Variants in CNTN6 observed in about 807,000 individuals in gnomAD.
CNTN6 encodes the protein contactin-6.
CNTN6 carries 137 observed loss-of-function variants against 122.8 expected under a neutral mutation model. The ratio of observed to expected loss-of-function variants is 1.12; its 90% confidence interval spans 0.97 to 1.29. The LOEUF is 1.29. CNTN6 is among the 50% of genes most tolerant of loss of function. The pLI is 0.00. For missense variants in CNTN6, 1,634 were observed against 1,223.4 expected (o/e 1.34, Z -5.01); for synonymous variants, 570 against 426.0 (o/e 1.34, Z -4.16).
At chr3:1,200,759 A>G (rs553495929) in intron 2 of CNTN6, among the ~76,000 whole-genome samples, 6 of 152,120 alleles carry the variant, frequency 3.9e-5, no homozygotes, top group African/African-American at 7.2e-5. Flanking sequence ...AGGAGGCTCA[A>G]AATAACTTCA....
At chr3:1,102,889 C>T (rs1000676075) in intron 1 of CNTN6, among the ~76,000 whole-genome samples, 100 of 150,914 alleles carry the variant, frequency 6.6e-4, no homozygotes, top group Non-Finnish European at 1.2e-3. Context: ...GGGCGGATCA[C>T]GAGATCAGGA....
At chr3:1,211,277 T>A (rs1236479658) in intron 2 of CNTN6, among the ~76,000 whole-genome samples, 1 of 152,272 alleles carries the variant, frequency 6.6e-6, no homozygotes, top group South Asian at 2.1e-4. Context: ...AACCTGAAAT[T>A]TACCCAGGCT....
chr3:1,204,165 A>G (rs2093925066), intron 2 of CNTN6, among the ~76,000 whole-genome samples: 1 of 152,188 alleles, frequency 6.6e-6, no homozygotes, highest in South Asian at 2.1e-4. Flanking sequence ...GTATATATAG[A>G]GAGAGCCAAT....
intron 7 of CNTN6, among the ~76,000 whole-genome samples, chr3:1,301,667 A>G (rs928624173): frequency 6.6e-6 from 1 of 152,208 alleles, no homozygotes; most frequent in Admixed American, 6.5e-5. Flanking sequence ...AAATGAAGGC[A>G]TTAATATAGA....
chr3:1,327,942 A>G (rs771573547), intron 10 of CNTN6, among the ~76,000 whole-genome samples: 3 of 151,822 alleles, frequency 2.0e-5, no homozygotes, highest in Non-Finnish European at 2.9e-5. Flanking sequence ...ACTAAAAGAA[A>G]CAGTAATTTA....
intron 1 of CNTN6, among the ~76,000 whole-genome samples, chr3:1,139,869 G>A (rs748232836): frequency 2.6e-5 from 4 of 152,158 alleles, no homozygotes; most frequent in Non-Finnish European, 5.9e-5. Context: ...TTGAAACATG[G>A]CTGCTGGGAT....
chr3:1,265,345 C>G (rs1357271053), intron 4 of CNTN6, among the ~76,000 whole-genome samples: 1 of 152,122 alleles, frequency 6.6e-6, no homozygotes, highest in African/African-American at 2.4e-5. Flanking sequence ...CCAGGTAATT[C>G]CAGTGTAACC....
rs1396631905 is a variant in CNTN6, at chr3:1,295,621, T to G, written c.475T>G (p.Phe159Val). 1.2e-6 allele frequency: 2 copies of G among 1,613,744 alleles called. No homozygotes were observed. The highest frequency in any genetic ancestry group is 1.7e-6 in the Non-Finnish European group (2 of 1,179,778). ...HFGDLSYAWTFNDNPLYVQED... is the reference protein window; with the variant it reads ...HFGDLSYAWTVNDNPLYVQED... ...TTCAGATTTATCTTATGCATGGACC[T>G]TCAATGATAACCCCTTATACGTCCA... The change falls in exon 6 of 23, where the codon TTC becomes GTC. Residue 159 changes from phenylalanine (F) to valine (V), a missense_variant. Phe to Val is a conservative substitution (Grantham distance 50). Coordinates refer to ENST00000446702, the MANE Select transcript of CNTN6 (RefSeq NM_001289080.2).
intron 3 of CNTN6, among the ~76,000 whole-genome samples, chr3:1,221,826 C>G (rs1399865330): frequency 3.9e-5 from 6 of 151,930 alleles, no homozygotes; most frequent in Non-Finnish European, 8.8e-5. Flanking sequence ...GTTTTAAAAC[C>G]TTTTTTTAAG....
chr3:1,251,933 G>C (rs1303636455), intron 4 of CNTN6, among the ~76,000 whole-genome samples: 3 of 152,102 alleles, frequency 2.0e-5, no homozygotes, highest in African/African-American at 7.2e-5. Context: ...GGCTGTACTT[G>C]AGATGTCAAG....
intron 16 of CNTN6, among the ~76,000 whole-genome samples, chr3:1,374,883 C>T (rs1331288337): frequency 6.6e-6 from 1 of 151,978 alleles, no homozygotes; most frequent in South Asian, 2.1e-4. Flanking sequence ...AGAATTGGGG[C>T]TAGAAAAAGG....
chr3:1,276,754 C>G (rs1203151570), intron 4 of CNTN6, among the ~76,000 whole-genome samples: 2 of 152,148 alleles, frequency 1.3e-5, no homozygotes, highest in Non-Finnish European at 2.9e-5. Context: ...AAAAGTTAAA[C>G]TGATGCGACA....
chr3:1,220,772 C>T lies in CNTN6; in HGVS notation c.141C>T (p.Ile47=), dbSNP rs780012534. The T allele has an allele frequency of 6.2e-6, 10 of 1,612,514 alleles. No homozygotes were observed. The highest frequency in any genetic ancestry group is 6.8e-6 in the Non-Finnish European group (8 of 1,179,230). The change falls in exon 3 of 23, where the codon ATC becomes ATT. Residue 47 remains isoleucine (I), a synonymous_variant. Coordinates refer to ENST00000446702, the MANE Select transcript of CNTN6 (RefSeq NM_001289080.2). Reference sequence around the variant, plus strand: ...TGGATTTATCAAAATCTGAGGTCATCCTGAATTGTGCTGCTAATGGTTACC... The same window carrying T: ...TGGATTTATCAAAATCTGAGGTCATTCTGAATTGTGCTGCTAATGGTTACC... The part of the protein sequence containing the change: ...FPLDLSKSEV[I]LNCAANGYPS...
chr3:1,173,223 A>T (rs1442210540), intron 2 of CNTN6: 2 of 456,524 alleles, frequency 4.4e-6, no homozygotes, highest in African/African-American at 2.0e-5. Flanking sequence ...TATCAGTCCA[A>T]TTCTGCTGCT....
chr3:1,113,800 T>G (rs1487890150), intron 1 of CNTN6, among the ~76,000 whole-genome samples: 1 of 152,132 alleles, frequency 6.6e-6, no homozygotes, highest in African/African-American at 2.4e-5. Flanking sequence ...GCAGACACAA[T>G]TCATGAATAC....
intron 4 of CNTN6, among the ~76,000 whole-genome samples, chr3:1,245,509 G>A (rs919693924): frequency 6.0e-5 from 9 of 148,930 alleles, no homozygotes; most frequent in Non-Finnish European, 1.3e-4. Context: ...GCATAAGAAT[G>A]ATACAATGGA....
intron 4 of CNTN6, among the ~76,000 whole-genome samples, chr3:1,237,729 G>T (rs1238108242): frequency 6.6e-6 from 1 of 152,122 alleles, no homozygotes; most frequent in Non-Finnish European, 1.5e-5. Context: ...AGCTAAAAGG[G>T]ATTGGGATTC....
At chr3:1,098,789 C>CACACACATATATATATATAT (rs1211008614) in intron 1 of CNTN6, among the ~76,000 whole-genome samples, 9 of 63,260 alleles carry the variant, frequency 1.4e-4, no homozygotes, top group Non-Finnish European at 2.5e-4. Context: ...CACACACACA[C>CACACACATATATATATATAT]ATATATATAT....
At chr3:1,113,355 G>T (rs563394219) in intron 1 of CNTN6, among the ~76,000 whole-genome samples, 1 of 152,130 alleles carries the variant, frequency 6.6e-6, no homozygotes, top group South Asian at 2.1e-4. Context: ...TAAATGAGAG[G>T]CATATGTATA....
Sources: gnomAD v4.1 joint callset for allele counts (sites outside exome capture counted in the v4.1 genomes callset) on GRCh38, gnomAD v4.1.1 for gene constraint, MANE v1.5 for transcripts, NCBI Gene and HGNC (gene_info 2026-07-23, HGNC 2026-07-21) for gene names.